Variants in POP5 observed in about 807,000 individuals in gnomAD.
POP5 encodes POP5 ribonuclease P/MRP subunit.
POP5 carries 18 observed loss-of-function variants against 20.7 expected under a neutral mutation model. The observed-to-expected ratio is 0.87, with a 90% CI of 0.60 to 1.29. POP5 has a LOEUF of 1.29. POP5 is among the 50% of genes most tolerant of loss of function. The pLI, the probability that POP5 is intolerant of heterozygous loss-of-function variation, is 0.00. For missense variants in POP5, 200 were observed against 203.2 expected (o/e 0.98, Z 0.10); for synonymous variants, 91 against 78.0 (o/e 1.17, Z -0.88).
chr12:120,581,253 G>A lies in POP5; in HGVS notation c.25C>T (p.Leu9=), dbSNP rs373446130. The A allele has an allele frequency of 1.9e-6, 3 of 1,614,242 alleles. No individual in the cohort carries two copies. Among genetic ancestry groups the A allele is most frequent in the Non-Finnish European group, 2.5e-6 (3 of 1,180,054 alleles). ...TCGTCAGACACCAGTTCGCAGAGCA[G>A]GTACCTGCGGCAGGCGAGAGGAAGG... is the stretch of plus-strand genomic sequence containing the variant. The part of the protein sequence containing the change: MVRFKHRY[L]LCELVSDDPR... The change falls in exon 2 of 5, where the codon CTG becomes TTG. Residue 9 remains leucine, a synonymous_variant. Transcript: ENST00000357500.
chr12:120,581,004 AAAC>A (rs1877833881), intron 2 of POP5, 108 bp downstream of exon 2: 6 of 1,471,018 alleles, frequency 4.1e-6, no homozygotes, highest in Non-Finnish European at 5.4e-6. Context: ...ACCTTACAAA[AAAC>A]GGTGCACGGG....
chr12:120,579,408 C>T lies in POP5; in HGVS notation c.402G>A (p.Glu134=). 1 of 1,613,632 alleles carries T rather than the reference C, an allele frequency of 6.2e-7. No individual in the cohort carries two copies. The highest frequency in any genetic ancestry group is 1.1e-5 in the South Asian group (1 of 91,072). The change falls in exon 5 of 5, where the codon GAG becomes GAA. Residue 134 remains glutamate (E), a synonymous_variant. Transcript: ENST00000357500. The part of the protein sequence containing the change: ...ILLQNCTDEG[E]REAIQKSVTR... ...TCACAGACTTCTGGATAGCTTCCCG[C>T]TCTCCTGGAGAAGGCAGATAACAGG... is the stretch of plus-strand genomic sequence containing the variant.
chr12:120,581,068 A>G (rs923660900), intron 2 of POP5, 47 bp downstream of exon 2: 2 of 1,594,730 alleles, frequency 1.3e-6, no homozygotes, highest in Non-Finnish European at 1.7e-6. Context: ...CCCCCTCCAC[A>G]TCCCGCCATC....
At chr12:120,580,965 C>A (rs1035079676) in intron 2 of POP5, 150 bp downstream of exon 2, 10 of 1,284,856 alleles carry the variant, frequency 7.8e-6, no homozygotes, top group Middle Eastern at 5.6e-4. Flanking sequence ...TTCGGACTCT[C>A]GCTTGGGGTC....
chr12:120,580,793 T>G (rs923676164), intron 2 of POP5: 1 of 373,824 alleles, frequency 2.7e-6, no homozygotes, highest in Non-Finnish European at 4.9e-6. Flanking sequence ...GGTCATATAA[T>G]AGCTCTTACT....
chr12:120,579,375 GCTT>G lies in POP5; in HGVS notation c.432_434del (p.Arg144del). On this transcript the variant is annotated inframe_deletion, in exon 5 of 5. Transcript: ENST00000357500. ...ACTCCTCCTCCTCCTCTAATAAGCAGCTTCTTGTCACAGACTTCTGGATAGCTT... is the reference window on the plus strand; with the variant it reads ...ACTCCTCCTCCTCCTCTAATAAGCAGCTTGTCACAGACTTCTGGATAGCTT... 1 of 1,614,158 alleles carries G rather than the reference GCTT, an allele frequency of 6.2e-7. No homozygotes were observed. The highest frequency in any genetic ancestry group is 2.2e-5 in the East Asian group (1 of 44,882).
chr12:120,581,354 C>G lies in POP5; in HGVS notation c.9G>C (p.Arg3=), dbSNP rs1158780678. The G allele has an allele frequency of 1.9e-6, 3 of 1,613,256 alleles. No individual in the cohort carries two copies. The highest frequency in any genetic ancestry group is 1.3e-5 in the African/African-American group (1 of 74,958). Residue 3 remains arginine, a synonymous_variant, in exon 1 of 5, where the codon CGG becomes CGC. Coordinates refer to ENST00000357500, the MANE Select transcript of POP5 (RefSeq NM_015918.4). ...AAGGGAATGCTTACCTGTGCTTGAA[C>G]CGCACCATGGCTGCCTCCGCGCTCT... The part of the protein sequence containing the change: MV[R]FKHRYLLCEL...
In POP5 at chr12:120,579,533, C is replaced by T. The variant is rs1447914855; in HGVS notation, c.378G>A (p.Leu126=). 1.9e-6 allele frequency: 3 copies of T among 1,613,984 alleles called. No homozygotes were observed. The South Asian group carries it at 3.3e-5, about 18-fold the overall frequency. The change falls in exon 4 of 5, where the codon TTG becomes TTA. Residue 126 remains leucine (L), a synonymous_variant. Coordinates refer to ENST00000357500, the MANE Select transcript of POP5 (RefSeq NM_015918.4). ...GCTTACCTTCATCAGTGCAGTTCTG[C>T]AACAAGATCAACAGCTGTCTCCTGT... is the stretch of plus-strand genomic sequence containing the variant. ...QYNRRQLLIL[L]QNCTDEGERE... is the part of the protein sequence containing the mutation.
At chr12:120,581,060 C>G (rs978156011) in intron 2 of POP5, 55 bp downstream of exon 2, 2 of 1,590,194 alleles carry the variant, frequency 1.3e-6, no homozygotes, top group Non-Finnish European at 1.7e-6. Flanking sequence ...GGCGCCTGCC[C>G]CCTCCACATC....
In POP5 at chr12:120,578,987, CAG is replaced by C. The variant is rs1368513143; in HGVS notation, c.*329_*330del. The C allele has an allele frequency of 6.7e-5, 22 of 328,372 alleles. No homozygotes were observed. The highest frequency in any genetic ancestry group is 1.2e-4 in the Non-Finnish European group (21 of 173,458). 20.3% of individuals were successfully genotyped at this position (328,372 alleles called of 1,614,324 possible). On this transcript the variant is annotated 3_prime_UTR_variant, in exon 5 of 5. Coordinates refer to ENST00000357500, the MANE Select transcript of POP5 (RefSeq NM_015918.4). Reference sequence around the variant, plus strand: ...ACCAAGGCTAGGGATAGAGAGAGAACAGAGACTTGGCCAAGCATGGACTCCAT... The same window carrying C: ...ACCAAGGCTAGGGATAGAGAGAGAACAGACTTGGCCAAGCATGGACTCCAT...
chr12:120,581,015 G>T (rs1212097353), intron 2 of POP5, 100 bp downstream of exon 2: 1 of 1,502,530 alleles, frequency 6.7e-7, no homozygotes, highest in Non-Finnish European at 8.9e-7. Context: ...AACGGTGCAC[G>T]GGCTTGGCCA....
At position 120,579,759 on chromosome 12, in the gene POP5, C is replaced by G. The variant is rs368559910; in HGVS notation, c.313+15G>C. The stretch of plus-strand genomic sequence containing the variant: ...CACCAATTGAAAATCAGTAGCCATA[C>G]CACCTCACTCCTACCTCCCACATGT... On this transcript the variant is annotated intron_variant, in intron 3 of 4. Transcript: ENST00000357500. The G allele has an allele frequency of 6.3e-7, 1 of 1,597,736 alleles. No individual in the cohort carries two copies. The highest frequency in any genetic ancestry group is 8.6e-7 in the Non-Finnish European group (1 of 1,165,486).
chr12:120,579,273 G>T lies in POP5; in HGVS notation c.*45C>A. 4 of 1,523,858 alleles carry T rather than the reference G, an allele frequency of 2.6e-6. No individual in the cohort carries two copies. Among genetic ancestry groups the T allele is most frequent in the Non-Finnish European group, 3.6e-6 (4 of 1,098,550 alleles). 94.4% of individuals were successfully genotyped at this position (1,523,858 alleles called of 1,614,324 possible). ...CCAGATTGTTCTGTTCAACAAGTGG[G>T]CCTGAAGCCTGAGCAGTGTAGCCAG... On this transcript the variant is annotated 3_prime_UTR_variant, in exon 5 of 5. Transcript: ENST00000357500.
chr12:120,579,464 C>G, intron 4 of POP5, 50 bp downstream of exon 4: 8 of 1,607,200 alleles, frequency 5.0e-6, no homozygotes, highest in Non-Finnish European at 6.8e-6. Flanking sequence ...GTGATTTCTT[C>G]AGCTTAAGGT....
rs7174 is a variant in POP5 at position 120,579,368 on chromosome 12, A to G, written c.442T>C (p.Leu148=). The G allele has an allele frequency of 0.82, 1,324,267 of 1,613,746 alleles. 544,920 individuals are homozygous for G. Among genetic ancestry groups the G allele is most frequent in the Admixed American group, 0.87 (52,209 of 60,006 alleles). The part of the protein sequence containing the change: ...IQKSVTRSCL[L]EEEEESGEEA... ...TCACCTGACTCCTCCTCCTCCTCTAATAAGCAGCTTCTTGTCACAGACTTC... is the reference window on the plus strand; with the variant it reads ...TCACCTGACTCCTCCTCCTCCTCTAGTAAGCAGCTTCTTGTCACAGACTTC... Residue 148 remains leucine, a synonymous_variant, in exon 5 of 5, where the codon TTA becomes CTA. Coordinates refer to ENST00000357500, the MANE Select transcript of POP5 (RefSeq NM_015918.4).
Position 120,581,011 on chromosome 12 carries a change from G to A in POP5, c.163+104C>T, listed in dbSNP as rs1022138439. 12 of 1,493,094 alleles carry A rather than the reference G, an allele frequency of 8.0e-6. No homozygotes were observed. The African/African-American group carries it at 9.8e-5, about 12-fold the overall frequency. The allele number at this position is 1,493,094 out of a possible 1,614,324, so 92.5% of individuals were successfully genotyped here. A position where few individuals can be genotyped will look rare whatever the true frequency, so the allele number is the denominator to read the frequency against. On this transcript the variant is annotated intron_variant, in intron 2 of 4. Transcript: ENST00000357500. ...AAAGAGATACCTTACAAAAAACGGT[G>A]CACGGGCTTGGCCACTCGTGCCCCT...
In POP5 at chr12:120,581,178, G is replaced by A; in HGVS notation, c.100C>T (p.Arg34Trp). 2.5e-6 allele frequency: 4 copies of A among 1,613,794 alleles called. No homozygotes were observed. The East Asian group carries it at 8.9e-5, about 36-fold the overall frequency. ...CCGTGCACCCTGGCGATCGTGTCCC[G>A]TACGAGGCTGCTCAGAACTCGGTCA... ...LDDRVLSSLV[R>W]DTIARVHGTF... The change falls in exon 2 of 5, where the codon CGG becomes TGG. Residue 34 changes from arginine (R) to tryptophan (W), a missense_variant. Transcript: ENST00000357500.
chr12:120,581,038 C>G, intron 2 of POP5, 77 bp downstream of exon 2: 1 of 1,567,476 alleles, frequency 6.4e-7, no homozygotes, highest in Non-Finnish European at 8.6e-7. Context: ...CGTGCCCCTT[C>G]TTTCTTCCTC....
chr12:120,579,447 T>A, intron 4 of POP5, 35 bp from the exon 5 acceptor site: 1 of 1,608,144 alleles, frequency 6.2e-7, no homozygotes, highest in Non-Finnish European at 8.5e-7. Flanking sequence ...GAAAGATATC[T>A]TTGGGAGTGA....
Sources: gnomAD v4.1 joint callset for allele counts on GRCh38, gnomAD v4.1.1 for gene constraint, MANE v1.5 for transcripts, NCBI Gene and HGNC (gene_info 2026-07-23, HGNC 2026-07-21) for gene names.